Variants in TMEM178B observed in about 807,000 individuals in gnomAD.
TMEM178B encodes the protein transmembrane protein 178B.
Under a neutral mutation model 31.0 loss-of-function variants are expected in TMEM178B, and 5 were observed. That is an observed-to-expected ratio of 0.16 (90% CI 0.08 to 0.34). TMEM178B has a LOEUF of 0.34. TMEM178B is among the 10% of genes least tolerant of loss of function. The pLI is 1.00. For synonymous variants in TMEM178B, 164 were observed against 164.0 expected (o/e 1.00, Z 0.00); for missense variants, 275 against 400.3 (o/e 0.69, Z 2.67).
intron 2 of TMEM178B, among the ~76,000 whole-genome samples, chr7:141,247,242 A>T (rs1797751800): frequency 6.6e-6 from 1 of 152,020 alleles, no homozygotes; most frequent in South Asian, 2.1e-4. Context: ...TCAAATCAAG[A>T]TATATGGCTA....
At chr7:141,088,415 T>A (rs1794823434) in intron 1 of TMEM178B, among the ~76,000 whole-genome samples, 1 of 152,138 alleles carries the variant, frequency 6.6e-6, no homozygotes. Flanking sequence ...CTATTCTTAT[T>A]CCTTCTTCTT....
chr7:141,392,760 A>G (rs944984278), intron 2 of TMEM178B, among the ~76,000 whole-genome samples: 2 of 151,806 alleles, frequency 1.3e-5, no homozygotes, highest in Non-Finnish European at 2.9e-5. Context: ...CAGGAGAGAA[A>G]AGATCAAATC....
At chr7:141,380,584 T>A (rs1800296862) in intron 2 of TMEM178B, among the ~76,000 whole-genome samples, 1 of 151,890 alleles carries the variant, frequency 6.6e-6, no homozygotes, top group South Asian at 2.1e-4. Context: ...TGATTAAACT[T>A]GGGGAAAAAA....
chr7:141,187,768 C>T (rs1323924256), intron 1 of TMEM178B, among the ~76,000 whole-genome samples: 9 of 152,218 alleles, frequency 5.9e-5, no homozygotes, highest in Non-Finnish European at 8.8e-5. Context: ...TTATATCCTT[C>T]GCCCACTTTT....
intron 2 of TMEM178B, among the ~76,000 whole-genome samples, chr7:141,275,208 CCAA>C (rs1356659027): frequency 2.6e-5 from 4 of 152,194 alleles, no homozygotes; most frequent in African/African-American, 7.2e-5. Flanking sequence ...AACGAACCAT[CCAA>C]CAACAACAAC....
chr7:141,220,346 ATAATAATAATAAT>A (rs1324034165), intron 2 of TMEM178B, among the ~76,000 whole-genome samples: 1 of 127,414 alleles, frequency 7.8e-6, no homozygotes, highest in African/African-American at 2.8e-5. Context: ...AATAATAATA[ATAATAATAATAAT>A]AAAATAATAA....
chr7:141,434,301 G>C (rs1459802428), intron 2 of TMEM178B, among the ~76,000 whole-genome samples: 1 of 152,184 alleles, frequency 6.6e-6, no homozygotes, highest in African/African-American at 2.4e-5. Flanking sequence ...AGAGCCTGGG[G>C]AACAGTACAG....
Position 141,188,031 on chromosome 7 carries a change from G to C in TMEM178B, c.383-24560G>C, listed in dbSNP as rs10280012. On this transcript the variant is annotated intron_variant, in intron 1 of 3. Transcript: ENST00000565468. ...AAGTCCTTGCCCATGCCTATGTCCT[G>C]AATGGTATTGCCTAGGTTTTCTTCT... 4.8e-3 allele frequency among the ~76,000 whole-genome samples: 726 copies of C among 151,774 alleles called. 5 individuals are homozygous for C. Among genetic ancestry groups the C allele is most frequent in the African/African-American group, 0.017 (694 of 41,462 alleles).
chr7:141,218,449 T>C (rs1797197078), intron 2 of TMEM178B, among the ~76,000 whole-genome samples: 2 of 152,190 alleles, frequency 1.3e-5, no homozygotes, highest in South Asian at 4.1e-4. Context: ...TCTCACTTAC[T>C]GCAGACATGT....
intron 3 of TMEM178B, among the ~76,000 whole-genome samples, chr7:141,439,198 GA>G (rs1806213268): frequency 1.3e-5 from 2 of 152,154 alleles, no homozygotes; most frequent in East Asian, 3.9e-4. Flanking sequence ...TTATTCCCTT[GA>G]AACACAGCCA....
At chr7:141,298,994 T>G (rs1798680616) in intron 2 of TMEM178B, among the ~76,000 whole-genome samples, 2 of 152,094 alleles carry the variant, frequency 1.3e-5, no homozygotes, top group South Asian at 4.1e-4. Flanking sequence ...GGATTTTGTC[T>G]GCAGGAGATG....
chr7:141,499,650 C>T, the TMEM178B span, among the ~76,000 whole-genome samples: 1 of 151,666 alleles, frequency 6.6e-6, no homozygotes, highest in Non-Finnish European at 1.5e-5. Context: ...AAAAAACCAA[C>T]AAAAAAACCC....
At chr7:141,394,015 C>G (rs1052534967) in intron 2 of TMEM178B, among the ~76,000 whole-genome samples, 1 of 151,924 alleles carries the variant, frequency 6.6e-6, no homozygotes, top group Non-Finnish European at 1.5e-5. Flanking sequence ...TCAAGGGAAA[C>G]TCCTCTTTTT....
intron 2 of TMEM178B, among the ~76,000 whole-genome samples, chr7:141,288,065 G>C (rs1012503560): frequency 6.6e-6 from 1 of 152,066 alleles, no homozygotes; most frequent in Non-Finnish European, 1.5e-5. Flanking sequence ...CAGATGCCCT[G>C]ACCCCTGTGG....
chr7:141,289,551 A>G (rs1170387252), intron 2 of TMEM178B, among the ~76,000 whole-genome samples: 2 of 151,958 alleles, frequency 1.3e-5, no homozygotes, highest in Admixed American at 6.6e-5. Flanking sequence ...CCCTGTCTCT[A>G]CTAAAAATAA....
chr7:141,150,824 G>A (rs1237688708), intron 1 of TMEM178B, among the ~76,000 whole-genome samples: 1 of 152,194 alleles, frequency 6.6e-6, no homozygotes, highest in East Asian at 1.9e-4. Context: ...ATACTTTTGG[G>A]GTGGTTGATT....
intron 3 of TMEM178B, among the ~76,000 whole-genome samples, chr7:141,440,908 G>C (rs1205050672): frequency 6.6e-6 from 1 of 152,198 alleles, no homozygotes; most frequent in Non-Finnish European, 1.5e-5. Context: ...GGGAAAAAAC[G>C]GATGTCCACA....
chr7:141,337,134 C>T (rs1256317697), intron 2 of TMEM178B, among the ~76,000 whole-genome samples: 3 of 53,206 alleles, frequency 5.6e-5, no homozygotes, highest in African/African-American at 1.4e-4. Flanking sequence ...ACCATCACCA[C>T]CACCACCATC....
chr7:141,468,992 G>A (rs540734664), intron 3 of TMEM178B, among the ~76,000 whole-genome samples: 1 of 152,160 alleles, frequency 6.6e-6, no homozygotes, highest in Non-Finnish European at 1.5e-5. Context: ...TACCTGGCGG[G>A]CACCATCTTG....
Sources: gnomAD v4.1 joint callset for allele counts (sites outside exome capture counted in the v4.1 genomes callset) on GRCh38, gnomAD v4.1.1 for gene constraint, MANE v1.5 for transcripts, NCBI Gene and HGNC (gene_info 2026-07-23, HGNC 2026-07-21) for gene names.